The following CGREF1 variants were observed in gnomAD, a reference collection of about 807,000 sequenced individuals.
The protein encoded by CGREF1 is cell growth regulator with EF-hand domain 1.
In CGREF1, 16 loss-of-function variants were observed where a neutral mutation model predicts 17.4. That is an observed-to-expected ratio of 0.92 (90% confidence interval 0.62 to 1.40). The LOEUF (loss-of-function observed/expected upper bound fraction) is 1.40. Among genes scored for constraint, CGREF1 ranks in the 40% most tolerant of loss-of-function variants. CGREF1 has a pLI of 0.00. For synonymous variants in CGREF1, 142 were observed against 154.6 expected, an observed-to-expected ratio of 0.92 and a Z score of 0.61; for missense variants, 296 against 376.4, an observed-to-expected ratio of 0.79 and a Z score of 1.77.
downstream of CGREF1, chr2:27,099,529 G>A (rs1360665578): frequency 2.5e-6 from 4 of 1,614,202 alleles, no homozygotes; most frequent in South Asian, 4.4e-5. Context: ...GGATACACTG[G>A]GAGCTGGAGA....
chr2:27,102,852 C>A (rs1428777689), intron 2 of CGREF1: 1 of 831,402 alleles, frequency 1.2e-6, no homozygotes, highest in African/African-American at 1.8e-5. Context: ...AGGTAGAGGC[C>A]AGATGAGGCC....
Position 27,102,724 on chromosome 2 carries a change from C to T in CGREF1, c.81-133G>A, listed in dbSNP as rs1670951734. On this transcript the variant is annotated intron_variant, in intron 2 of 5. Transcript: ENST00000402394. ...GAGTTGCCCCCAAAATTCCAAAAAC[C>T]CTGTAGTGGGGAGGCTCTTCTGGTC... 7.5e-6 allele frequency: 8 copies of T among 1,064,306 alleles called. No homozygotes were observed. In the East Asian group the frequency reaches 2.1e-4, roughly 28 times the overall value. 65.9% of individuals were successfully genotyped at this position (1,064,306 alleles called of 1,614,324 possible).
chr2:27,107,555 T>C (rs574369241), intron 1 of CGREF1, among the ~76,000 whole-genome samples: 1 of 151,670 alleles, frequency 6.6e-6, no homozygotes, highest in East Asian at 1.9e-4. Flanking sequence ...ACCCGGCCAG[T>C]TCACATGTTT....
At chr2:27,115,302 A>G (rs1165255371) in intron 1 of CGREF1, among the ~76,000 whole-genome samples, 2 of 152,096 alleles carry the variant, frequency 1.3e-5, no homozygotes, top group African/African-American at 4.8e-5. Flanking sequence ...TCTTGGTCCT[A>G]TGTACCCCTC....
intron 1 of CGREF1, among the ~76,000 whole-genome samples, chr2:27,112,548 G>A (rs1382994024): frequency 6.6e-6 from 1 of 152,210 alleles, no homozygotes; most frequent in East Asian, 1.9e-4. Context: ...GTCTGGAAAT[G>A]TGTATTAATT....
At chr2:27,103,232 CCCTGTGGCTGTT>C (rs1345621665) in intron 2 of CGREF1, 4 of 340,810 alleles carry the variant, frequency 1.2e-5, no homozygotes, top group Non-Finnish European at 1.7e-5. Context: ...AGCTACCAGC[CCCTGTGGCTGTT>C]CCTGTGGCTG....
downstream of CGREF1, chr2:27,100,107 G>C (rs543113175): frequency 1.8e-6 from 1 of 571,234 alleles, no homozygotes; most frequent in African/African-American, 1.9e-5. Context: ...GGCTAGAGCA[G>C]CGAGAAGTGC....
At chr2:27,099,625 C>CCAAA, downstream of CGREF1, 1 of 1,614,134 alleles carries the variant, frequency 6.2e-7, no homozygotes, top group Non-Finnish European at 8.5e-7. Flanking sequence ...TGTCCCTGCC[C>CCAAA]CAAACACCTG....
rs112497560 is a variant in CGREF1, at chr2:27,101,779, T to C, written c.452A>G (p.Glu151Gly). The change falls in exon 6 of 6, where the codon GAG (glutamate) becomes GGG (glycine). Residue 151 changes from glutamate (E) to glycine (G), a missense_variant. Glu to Gly is a moderately conservative substitution (Grantham distance 98, BLOSUM62 -2). Transcript: ENST00000402394. ...AGATGGAGCAAGGGGCTCTCCGGGCTCCACGTGCCTGAGGGCTACTCCCGG... is the reference window on the plus strand; with the variant it reads ...AGATGGAGCAAGGGGCTCTCCGGGCCCCACGTGCCTGAGGGCTACTCCCGG... ...NFPGVALRHV[E>G]PGEPLAPSPQ... is the part of the protein sequence containing the mutation. 73 of 1,614,206 alleles carry C rather than the reference T, an allele frequency of 4.5e-5. 1 individual carries two copies. The African/African-American group carries it at 7.6e-4, about 17-fold the overall frequency.
At chr2:27,104,844 T>G (rs1175354550) in intron 1 of CGREF1, 1 of 1,421,834 alleles carries the variant, frequency 7.0e-7, no homozygotes, top group Non-Finnish European at 9.3e-7. Context: ...ATGGACTGTT[T>G]GTGTTTATTA....
At chr2:27,099,418 A>AGGGCTGTGCTTGTCTGTGCCTGG (rs1670642633), downstream of CGREF1, 1 of 1,613,492 alleles carries the variant, frequency 6.2e-7, no homozygotes, top group South Asian at 1.1e-5. Context: ...GCCGTCTTGC[A>AGGGCTGTGCTTGTCTGTGCCTGG]GGGCTGTGCT....
At chr2:27,104,444 G>A in intron 1 of CGREF1, 67 bp from the exon 2 acceptor site, 1 of 1,583,886 alleles carries the variant, frequency 6.3e-7, no homozygotes, top group Middle Eastern at 1.7e-4. Flanking sequence ...CAGATGGGCT[G>A]GGTTAGACAC....
chr2:27,100,151 G>A (rs1408203779), downstream of CGREF1: 4 of 509,112 alleles, frequency 7.9e-6, no homozygotes, highest in South Asian at 2.0e-5. Context: ...CCTGGCTGGG[G>A]AGGACACTCG....
At chr2:27,099,905 A>G (rs1197134771), downstream of CGREF1, 2 of 1,502,360 alleles carry the variant, frequency 1.3e-6, no homozygotes, top group African/African-American at 2.8e-5. Flanking sequence ...CCCCACAGGG[A>G]GAGGCTCTGG....
chr2:27,107,296 C>A (rs1671158780), intron 1 of CGREF1, among the ~76,000 whole-genome samples: 1 of 150,434 alleles, frequency 6.6e-6, no homozygotes, highest in African/African-American at 2.5e-5. Context: ...GCTCTGTTGC[C>A]CAGGCTGGAG....
chr2:27,111,089 C>G lies in CGREF1; in HGVS notation c.-11-6712G>C, dbSNP rs1253576556. 2.6e-5 allele frequency: 4 copies of G among 152,446 alleles called. No homozygotes were observed. In the East Asian group the frequency reaches 7.7e-4, roughly 29 times the overall value. The allele number at this position is 152,446 out of a possible 1,614,324, so 9.4% of individuals were successfully genotyped here. On this transcript the variant is annotated intron_variant, in intron 1 of 5. Coordinates refer to ENST00000402394, the MANE Select transcript of CGREF1 (RefSeq NM_006569.6). ...AAGCTTCCACACTATGGAAAACGACCTGAACAGATTGCCACTACTGGCTCT... is the reference window on the plus strand; with the variant it reads ...AAGCTTCCACACTATGGAAAACGACGTGAACAGATTGCCACTACTGGCTCT...
intron 1 of CGREF1, among the ~76,000 whole-genome samples, chr2:27,117,858 G>A (rs1172333305): frequency 6.6e-6 from 1 of 152,120 alleles, no homozygotes; most frequent in Non-Finnish European, 1.5e-5. Context: ...TGGGACTACA[G>A]GCGCCTGCCA....
At chr2:27,102,071 G>A (rs367993180) in intron 5 of CGREF1, 26 bp downstream of exon 5, 155 of 1,589,036 alleles carry the variant, frequency 9.8e-5, no homozygotes, top group South Asian at 3.8e-4. Flanking sequence ...TCCTTTATGC[G>A]GGGATCTCCA....
chr2:27,116,044 C>CG (rs1671552789), intron 1 of CGREF1, among the ~76,000 whole-genome samples: 1 of 151,866 alleles, frequency 6.6e-6, no homozygotes, highest in South Asian at 2.1e-4. Flanking sequence ...GAGACCCCCC[C>CG]CATCTCTAAA....
Sources: allele counts gnomAD v4.1 joint callset (sites outside exome capture counted in the v4.1 genomes callset), GRCh38; gene constraint gnomAD v4.1.1; transcripts MANE v1.5; gene names NCBI Gene and HGNC (gene_info 2026-07-23, HGNC 2026-07-21).